The following GRM7 variants were observed in gnomAD, a reference collection of about 807,000 sequenced individuals.
GRM7 encodes the protein metabotropic glutamate receptor 7.
GRM7 carries 35 observed loss-of-function variants against 84.5 expected under a neutral mutation model. The observed-to-expected ratio is 0.41, with a 90% CI of 0.32 to 0.55. GRM7 has a LOEUF of 0.55. Among genes scored for constraint, GRM7 ranks in the 20% least tolerant of loss-of-function variants. The pLI is 0.19. For synonymous variants in GRM7, 487 were observed against 455.1 expected (o/e 1.07, Z -0.89); for missense variants, 1,003 against 1,194.6 (o/e 0.84, Z 2.36).
intron 4 of GRM7, among the ~76,000 whole-genome samples, chr3:7,390,565 T>C (rs887198360): frequency 6.6e-6 from 1 of 152,204 alleles, no homozygotes; most frequent in Non-Finnish European, 1.5e-5. Context: ...TTTCTTTTTT[T>C]AGTATTTTGG....
intron 2 of GRM7, among the ~76,000 whole-genome samples, chr3:7,216,422 A>G (rs1401091610): frequency 6.6e-6 from 1 of 152,206 alleles, no homozygotes; most frequent in African/African-American, 2.4e-5. Context: ...TTTAAAACAT[A>G]TTTTATAATT....
chr3:7,259,059 C>T (rs576375478), intron 2 of GRM7, among the ~76,000 whole-genome samples: 1 of 152,350 alleles, frequency 6.6e-6, no homozygotes, highest in Non-Finnish European at 1.5e-5. Context: ...AGATAGAGCA[C>T]TTAAAGGCTG....
intron 1 of GRM7, among the ~76,000 whole-genome samples, chr3:7,075,063 T>C (rs1312786087): frequency 6.6e-6 from 1 of 152,146 alleles, no homozygotes; most frequent in Non-Finnish European, 1.5e-5. Context: ...GTAATTCAGT[T>C]CTAGAATAAA....
At chr3:7,650,767 G>C (rs1205829392) in intron 8 of GRM7, among the ~76,000 whole-genome samples, 2 of 152,062 alleles carry the variant, frequency 1.3e-5, no homozygotes, top group Non-Finnish European at 2.9e-5. Context: ...GCCCAGGCTG[G>C]AGTGCAGTGG....
chr3:6,958,877 G>A (rs1559352556), intron 1 of GRM7, among the ~76,000 whole-genome samples: 1 of 152,110 alleles, frequency 6.6e-6, no homozygotes, highest in Non-Finnish European at 1.5e-5. Flanking sequence ...AGTGGTTGAA[G>A]AGAAGAATTA....
At chr3:6,976,682 A>G (rs933080072) in intron 1 of GRM7, among the ~76,000 whole-genome samples, 3 of 151,064 alleles carry the variant, frequency 2.0e-5, no homozygotes, top group Non-Finnish European at 4.4e-5. Flanking sequence ...AGCCTAACTG[A>G]AAAAAAAATG....
At chr3:7,405,002 A>G (rs935461445) in intron 4 of GRM7, among the ~76,000 whole-genome samples, 7 of 152,172 alleles carry the variant, frequency 4.6e-5, no homozygotes, top group South Asian at 4.1e-4. Context: ...CCAAGAGAGC[A>G]TATTGAACCG....
At chr3:6,986,863 T>C (rs181397456) in intron 1 of GRM7, among the ~76,000 whole-genome samples, 1 of 152,312 alleles carries the variant, frequency 6.6e-6, no homozygotes, top group East Asian at 1.9e-4. Context: ...ATTGGAGGGA[T>C]GAATCTGGTC....
At chr3:7,654,641 A>G (rs1167779301) in intron 8 of GRM7, among the ~76,000 whole-genome samples, 1 of 152,204 alleles carries the variant, frequency 6.6e-6, no homozygotes, top group South Asian at 2.1e-4. Context: ...TCCACTAATC[A>G]GCTCTGTGAA....
chr3:7,057,802 A>C (rs113981817), intron 1 of GRM7, among the ~76,000 whole-genome samples: 161 of 152,050 alleles, frequency 1.1e-3, no homozygotes, highest in African/African-American at 3.6e-3. Context: ...TTCATATATC[A>C]GGATGATCTC....
intron 1 of GRM7, among the ~76,000 whole-genome samples, chr3:6,888,003 G>T (rs1440189468): frequency 1.3e-5 from 2 of 152,110 alleles, no homozygotes; most frequent in Non-Finnish European, 2.9e-5. Context: ...ATTTTTTCAT[G>T]TGTTTTTTGG....
chr3:7,460,167 A>G (rs981067138), intron 6 of GRM7, among the ~76,000 whole-genome samples: 2 of 147,938 alleles, frequency 1.4e-5, no homozygotes, highest in Non-Finnish European at 3.0e-5. Flanking sequence ...GATGTTGAGA[A>G]CGTCCCCACA....
chr3:6,891,367 G>T (rs1476370049), intron 1 of GRM7, among the ~76,000 whole-genome samples: 2 of 152,142 alleles, frequency 1.3e-5, no homozygotes, highest in Non-Finnish European at 2.9e-5. Flanking sequence ...GCAGTGGCTG[G>T]TACCGGTTGT....
At chr3:7,333,918 A>C (rs1262821256) in intron 4 of GRM7, among the ~76,000 whole-genome samples, 1 of 151,996 alleles carries the variant, frequency 6.6e-6, no homozygotes, top group African/African-American at 2.4e-5. Flanking sequence ...AAAGACAAAG[A>C]ATAAAGAATT....
chr3:7,350,498 A>G (rs1693091265), intron 4 of GRM7, among the ~76,000 whole-genome samples: 2 of 152,190 alleles, frequency 1.3e-5, no homozygotes, highest in Admixed American at 6.6e-5. Context: ...CATGATTGCA[A>G]GTTTCCTGAG....
chr3:7,176,074 T>A (rs947648437), intron 2 of GRM7, among the ~76,000 whole-genome samples: 2 of 151,760 alleles, frequency 1.3e-5, no homozygotes, highest in Non-Finnish European at 2.9e-5. Context: ...AATAATACTG[T>A]GTGATATAGA....
intron 4 of GRM7, among the ~76,000 whole-genome samples, chr3:7,351,598 G>A (rs1396400): frequency 0.14 from 21,239 of 151,992 alleles, 1,943 homozygotes; most frequent in African/African-American, 0.26. Flanking sequence ...CATGACCTCA[G>A]TATGAGTGGA....
intron 9 of GRM7, among the ~76,000 whole-genome samples, chr3:7,706,826 C>T (rs114046482): frequency 1.2e-3 from 184 of 152,240 alleles, no homozygotes; most frequent in African/African-American, 4.3e-3. Flanking sequence ...AAGCCTCTGC[C>T]ATAACTCACA....
chr3:7,112,475 C>T lies in GRM7; in HGVS notation c.520-33977C>T, dbSNP rs139897376. ...TCCTGACCTTGTGATCTGCCTGCTT[C>T]GGCCTCCCAAAGTGCTGGGATTACA... On this transcript the variant is annotated intron_variant, in intron 1 of 9. Coordinates refer to ENST00000357716, the MANE Select transcript of GRM7 (RefSeq NM_000844.4). Among the ~76,000 whole-genome samples the T allele has an allele frequency of 2.3e-4, 35 of 152,234 alleles. No individual in the cohort carries two copies. The South Asian group carries it at 3.5e-3, about 15-fold the overall frequency.
Sources: allele counts gnomAD v4.1 joint callset (sites outside exome capture counted in the v4.1 genomes callset), GRCh38; gene constraint gnomAD v4.1.1; transcripts MANE v1.5; gene names NCBI Gene and HGNC (gene_info 2026-07-23, HGNC 2026-07-21).